The following MT1M variants were observed in gnomAD, a reference collection of about 807,000 sequenced individuals.
The protein encoded by MT1M is metallothionein-1M.
In MT1M, 11 loss-of-function variants were observed where a neutral mutation model predicts 8.5. The observed-to-expected ratio is 1.29, with a 90% CI of 0.81 to 2.14. MT1M has a LOEUF of 2.14. Ranked by LOEUF, MT1M falls within the 30% of genes most tolerant of loss-of-function variation. The pLI, the probability that MT1M is intolerant of heterozygous loss-of-function variation, is 0.00. For missense variants in MT1M, 84 were observed against 76.6 expected (o/e 1.10, Z -0.36); for synonymous variants, 28 against 30.0 (o/e 0.93, Z 0.22).
chr16:56,633,811 G>A lies in MT1M; in HGVS notation c.155G>A (p.Gly52Glu), dbSNP rs550829453. ...TGTGCCCACGGCTGTGTCTGCAAAG[G>A]GACGTTGGAGAACTGCAGCTGCTGT... ...AKCAHGCVCK[G>E]TLENCSCCA is the part of the protein sequence containing the mutation. Residue 52 changes from glycine to glutamate, a missense_variant, in exon 3 of 3, where the codon GGG (glycine) becomes GAG (glutamate). Coordinates refer to ENST00000379818, the MANE Select transcript of MT1M (RefSeq NM_176870.3). 3.1e-6 allele frequency: 5 copies of A among 1,614,196 alleles called. No homozygotes were observed. In the Admixed American group the frequency reaches 5.0e-5, roughly 16 times the overall value.
chr16:56,633,563 G>A (rs751592331), intron 2 of MT1M, 158 bp downstream of exon 2: 21 of 1,591,934 alleles, frequency 1.3e-5, no homozygotes, highest in Non-Finnish European at 1.7e-5. Context: ...AATTCAGATG[G>A]GGCAGGACAG....
intron 1 of MT1M, among the ~76,000 whole-genome samples, chr16:56,632,994 T>C (rs1467856271): frequency 8.5e-5 from 13 of 152,208 alleles, no homozygotes; most frequent in African/African-American, 3.1e-4. Flanking sequence ...CCCAGTTGGT[T>C]AGGGTCCTGC....
intron 1 of MT1M, 94 bp from the exon 2 acceptor site, chr16:56,633,246 C>G (rs1192608080): frequency 6.4e-7 from 1 of 1,570,972 alleles, no homozygotes; most frequent in Non-Finnish European, 8.7e-7. Context: ...AGGGCTGGCC[C>G]TGCACAAAGG....
At chr16:56,633,003 G>C (rs1960309222) in intron 1 of MT1M, among the ~76,000 whole-genome samples, 1 of 152,364 alleles carries the variant, frequency 6.6e-6, no homozygotes, top group African/African-American at 2.4e-5. Flanking sequence ...TTAGGGTCCT[G>C]CTGGCTGGGC....
chr16:56,632,806 C>T, intron 1 of MT1M, 47 bp downstream of exon 1: 1 of 1,612,388 alleles, frequency 6.2e-7, no homozygotes, highest in Non-Finnish European at 8.5e-7. Context: ...TTCCCAGCCC[C>T]AGTACTGAGG....
At position 56,632,670 on chromosome 16, in the gene MT1M, C is replaced by G; in HGVS notation, c.-62C>G. 1 of 1,606,850 alleles carries G rather than the reference C, an allele frequency of 6.2e-7. No individual in the cohort carries two copies. Among genetic ancestry groups the G allele is most frequent in the Non-Finnish European group, 8.5e-7 (1 of 1,175,038 alleles). ...GGCTGTGGCGCTCCACCACGCCGTC[C>G]GGGTGGGCCTAGCAGTCGCTCCATT... On this transcript the variant is annotated 5_prime_UTR_variant, in exon 1 of 3. Transcript: ENST00000379818.
intron 2 of MT1M, 78 bp downstream of exon 2, chr16:56,633,483 T>A: frequency 1.2e-6 from 2 of 1,613,940 alleles, no homozygotes; most frequent in African/African-American, 1.3e-5. Context: ...CCTGAGTGCA[T>A]CCTTCTGGGG....
At chr16:56,633,582 T>C in intron 2 of MT1M, 169 bp from the exon 3 acceptor site, 1 of 1,596,428 alleles carries the variant, frequency 6.3e-7, no homozygotes, top group South Asian at 1.1e-5. Flanking sequence ...AGCATTTTTC[T>C]CTTGGGACAC....
At chr16:56,633,512 C>T (rs774659507) in intron 2 of MT1M, 107 bp downstream of exon 2, 1 of 1,608,240 alleles carries the variant, frequency 6.2e-7, no homozygotes, top group Middle Eastern at 1.7e-4. Flanking sequence ...TTTCTTTGCC[C>T]TCATTGCCCG....
chr16:56,633,048 G>A (rs1262222531), intron 1 of MT1M, among the ~76,000 whole-genome samples: 5 of 152,202 alleles, frequency 3.3e-5, no homozygotes, highest in Admixed American at 1.3e-4. Flanking sequence ...AGCAATCAGG[G>A]TGGACTGGGG....
rs1179078143 is a variant in MT1M, at chr16:56,633,742, C to T, written c.95-9C>T. 1 of 1,614,154 alleles carries T rather than the reference C, an allele frequency of 6.2e-7. No individual in the cohort carries two copies. Among genetic ancestry groups the T allele is most frequent in the Admixed American group, 1.7e-5 (1 of 60,028 alleles). ...TCTACTGCTACCTCTCTCTCCCCTTCTTCCCCAGGCTGCTGCTCCTGCTGC... is the reference window on the plus strand; with the variant it reads ...TCTACTGCTACCTCTCTCTCCCCTTTTTCCCCAGGCTGCTGCTCCTGCTGC... On this transcript the variant is annotated splice_polypyrimidine_tract_variant and intron_variant, in intron 2 of 2. Transcript: ENST00000379818.
chr16:56,633,492 G>T (rs769911023), intron 2 of MT1M, 87 bp downstream of exon 2: 9 of 1,613,300 alleles, frequency 5.6e-6, no homozygotes, highest in African/African-American at 4.0e-5. Flanking sequence ...ATCCTTCTGG[G>T]GAACTGGGCT....
intron 2 of MT1M, 83 bp downstream of exon 2, chr16:56,633,488 C>G: frequency 6.2e-7 from 1 of 1,613,558 alleles, no homozygotes; most frequent in South Asian, 1.1e-5. Flanking sequence ...GTGCATCCTT[C>G]TGGGGAACTG....
intron 2 of MT1M, 109 bp from the exon 3 acceptor site, chr16:56,633,642 T>A (rs1469446769): frequency 2.4e-5 from 38 of 1,600,468 alleles, no homozygotes; most frequent in Admixed American, 6.7e-5. Flanking sequence ...GTGCCAGACG[T>A]AAAAAGCTTC....
At chr16:56,632,851 G>A in intron 1 of MT1M, 92 bp downstream of exon 1, 1 of 1,501,286 alleles carries the variant, frequency 6.7e-7, no homozygotes, top group Non-Finnish European at 9.3e-7. Context: ...TTTAAGTTCT[G>A]AGCGGAAGGG....
At chr16:56,633,294 T>C in intron 1 of MT1M, 46 bp from the exon 2 acceptor site, 4 of 1,613,950 alleles carry the variant, frequency 2.5e-6, no homozygotes, top group Non-Finnish European at 3.4e-6. Context: ...TTGCTGTACC[T>C]TCTTCATCTC....
intron 1 of MT1M, among the ~76,000 whole-genome samples, 153 bp downstream of exon 1, chr16:56,632,912 A>C (rs1157478121): frequency 6.6e-6 from 1 of 152,132 alleles, no homozygotes; most frequent in East Asian, 1.9e-4. Context: ...CTCTGAGAGC[A>C]CTGCCCTCCC....
In MT1M at chr16:56,633,817, T is replaced by C. The variant is rs777191553; in HGVS notation, c.161T>C (p.Leu54Ser). The C allele has an allele frequency of 2.6e-5, 42 of 1,614,082 alleles. No homozygotes were observed. The highest frequency in any genetic ancestry group is 6.7e-5 in the East Asian group (3 of 44,894). The change falls in exon 3 of 3, where the codon TTG becomes TCG. Residue 54 changes from leucine to serine, a missense_variant. Leu to Ser is a moderately radical substitution (Grantham distance 145). Transcript: ENST00000379818. ...CAHGCVCKGTLENCSCCA is the reference protein window; with the variant it reads ...CAHGCVCKGTSENCSCCA ...CACGGCTGTGTCTGCAAAGGGACGT[T>C]GGAGAACTGCAGCTGCTGTGCCTGA...
rs543834168 is a variant in MT1M at position 56,633,170 on chromosome 16, G to A, written c.29-170G>A. Among the ~76,000 whole-genome samples the A allele has an allele frequency of 1.6e-4, 25 of 152,304 alleles. 1 individual carries two copies. The South Asian group carries it at 4.8e-3, about 29-fold the overall frequency. Reference sequence around the variant, plus strand: ...CCTTCCTGGTAGGGTAAAACAGGAGGGTGCTTGCCCTTCCCAGCGTTAGTG... The same window carrying A: ...CCTTCCTGGTAGGGTAAAACAGGAGAGTGCTTGCCCTTCCCAGCGTTAGTG... On this transcript the variant is annotated intron_variant, in intron 1 of 2. Transcript: ENST00000379818.
Sources: gnomAD v4.1 joint callset for allele counts (sites outside exome capture counted in the v4.1 genomes callset) on GRCh38, gnomAD v4.1.1 for gene constraint, MANE v1.5 for transcripts, NCBI Gene and HGNC (gene_info 2026-07-23, HGNC 2026-07-21) for gene names.